NANP: variants seen among roughly 807,000 people sequenced by gnomAD.
NANP encodes N-acylneuraminate-9-phosphatase.
A neutral mutation model predicts 16.9 loss-of-function variants in NANP; 15 were observed. The ratio of observed to expected loss-of-function variants is 0.89; its 90% CI spans 0.59 to 1.37. The LOEUF (loss-of-function observed/expected upper bound fraction) is 1.37. Among genes scored for constraint, NANP ranks in the 40% most tolerant of loss-of-function variants. NANP has a pLI of 0.00. For missense variants in NANP, 290 were observed against 303.5 expected, an observed-to-expected ratio of 0.96 and a Z score of 0.33; for synonymous variants, 135 against 112.6, an observed-to-expected ratio of 1.20 and a Z score of -1.26.
intron 1 of NANP, among the ~76,000 whole-genome samples, chr20:25,619,728 C>A (rs771553486): frequency 1.1e-4 from 16 of 152,192 alleles, no homozygotes; most frequent in Non-Finnish European, 1.6e-4. Context: ...TCCAAAGTTT[C>A]AGCAACCCTA....
At chr20:25,619,782 C>T (rs772754389) in intron 1 of NANP, among the ~76,000 whole-genome samples, 3 of 152,172 alleles carry the variant, frequency 2.0e-5, no homozygotes, top group African/African-American at 7.2e-5. Flanking sequence ...ACAGAGCTTG[C>T]GCTTAGATAC....
chr20:25,618,446 A>G (rs1306606865), intron 1 of NANP, among the ~76,000 whole-genome samples: 2 of 152,176 alleles, frequency 1.3e-5, no homozygotes, highest in Non-Finnish European at 2.9e-5. Context: ...GTGAGGGAAG[A>G]TGCCAAGAGA....
chr20:25,623,793 G>T, intron 1 of NANP, 66 bp downstream of exon 1: 7 of 1,440,390 alleles, frequency 4.9e-6, no homozygotes, highest in Non-Finnish European at 5.7e-6. Flanking sequence ...AAGGGGAGGT[G>T]AGCGTGCAGG....
chr20:25,618,883 C>G (rs977070344), intron 1 of NANP, among the ~76,000 whole-genome samples: 7 of 152,094 alleles, frequency 4.6e-5, no homozygotes, highest in African/African-American at 1.7e-4. Context: ...GGGATCGCCT[C>G]AAGAACTGTC....
intron 1 of NANP, among the ~76,000 whole-genome samples, chr20:25,618,305 A>G (rs1487828618): frequency 6.6e-6 from 1 of 152,180 alleles, no homozygotes; most frequent in Non-Finnish European, 1.5e-5. Flanking sequence ...ACCAAGGAGT[A>G]AACAAGCAGA....
chr20:25,615,941 A>G lies in NANP; in HGVS notation c.731T>C (p.Val244Ala). The G allele has an allele frequency of 6.2e-7, 1 of 1,612,238 alleles. No homozygotes were observed. The highest frequency in any genetic ancestry group is 1.7e-5 in the Admixed American group (1 of 59,854). ...PALLQSIDCK[V>A]SMST ...TTATGTGCTTTAAGTGGACATACTG[A>G]CTTTGCAGTCTATACTTTGTAAGAG... The change falls in exon 2 of 2, where the codon GTC becomes GCC. Residue 244 changes from valine to alanine, a missense_variant. Coordinates refer to ENST00000304788, the MANE Select transcript of NANP (RefSeq NM_152667.3).
At chr20:25,622,016 A>C (rs558746573) in intron 1 of NANP, among the ~76,000 whole-genome samples, 1 of 152,386 alleles carries the variant, frequency 6.6e-6, no homozygotes, top group Admixed American at 6.5e-5. Context: ...GAAGCTCACT[A>C]TTTAGTAGTA....
intron 1 of NANP, among the ~76,000 whole-genome samples, chr20:25,623,243 A>T (rs961365338): frequency 1.3e-5 from 2 of 152,152 alleles, no homozygotes; most frequent in Non-Finnish European, 2.9e-5. Flanking sequence ...GCGCCTCAGG[A>T]AGGGCATGCC....
chr20:25,618,143 G>A (rs768397630), intron 1 of NANP, among the ~76,000 whole-genome samples: 53 of 143,148 alleles, frequency 3.7e-4, no homozygotes, highest in African/African-American at 1.2e-3. Context: ...GGCCTTTGTC[G>A]TTGAGGCATT....
chr20:25,623,189 C>A (rs535379556), intron 1 of NANP, among the ~76,000 whole-genome samples: 1 of 152,104 alleles, frequency 6.6e-6, no homozygotes, highest in East Asian at 1.9e-4. Context: ...ACGGGAAGGT[C>A]TGAAAGCGCC....
rs148888747 is a variant in NANP, at chr20:25,615,007, G to A, written c.*918C>T. 1.8e-4 allele frequency: 27 copies of A among 152,220 alleles called. No homozygotes were observed. The highest frequency in any genetic ancestry group is 3.5e-4 in the Non-Finnish European group (24 of 68,034). The allele number at this position is 152,220 out of a possible 1,614,324, so 9.4% of individuals were successfully genotyped here. Reference sequence around the variant, plus strand: ...CAAAAAAAAAAAGGAACAGATTGGGGGCTGCATTGTTAGGCTACACTGAGG... The same window carrying A: ...CAAAAAAAAAAAGGAACAGATTGGGAGCTGCATTGTTAGGCTACACTGAGG... On this transcript the variant is annotated 3_prime_UTR_variant, in exon 2 of 2. Transcript: ENST00000304788.
rs1020081255 is a variant in NANP, at chr20:25,613,934, A to G, written c.*1991T>C. 2 of 398,018 alleles carry G rather than the reference A, an allele frequency of 5.0e-6. No homozygotes were observed. The highest frequency in any genetic ancestry group is 4.1e-5 in the African/African-American group (2 of 48,608). 24.7% of individuals were successfully genotyped at this position (398,018 alleles called of 1,614,324 possible). On this transcript the variant is annotated 3_prime_UTR_variant, in exon 2 of 2. Transcript: ENST00000304788. ...AGCCCCCTGCAGCACACGCCAACCA[A>G]TCTATCAGAGCAATCATGCATGTGA...
chr20:25,623,845 G>A lies in NANP; in HGVS notation c.90+14C>T, dbSNP rs2065378904. 1 of 1,611,228 alleles carries A rather than the reference G, an allele frequency of 6.2e-7. No homozygotes were observed. The highest frequency in any genetic ancestry group is 8.5e-7 in the Non-Finnish European group (1 of 1,178,716). On this transcript the variant is annotated intron_variant, in intron 1 of 1. Coordinates refer to ENST00000304788, the MANE Select transcript of NANP (RefSeq NM_152667.3). ...TGACCCCGCCCAGAGGAGCGCCATGGGTGGGGACGTTACCTCCAACATGCC... is the reference window on the plus strand; with the variant it reads ...TGACCCCGCCCAGAGGAGCGCCATGAGTGGGGACGTTACCTCCAACATGCC...
chr20:25,622,211 G>A lies in NANP; in HGVS notation c.90+1648C>T, dbSNP rs1350608867. Among the ~76,000 whole-genome samples the A allele has an allele frequency of 2.0e-5, 3 of 152,216 alleles. No individual in the cohort carries two copies. The East Asian group carries it at 5.8e-4, about 29-fold the overall frequency. ...ACACACTGGATGTGGTAAACCTGGA[G>A]ACAAGCCCACAGCAACAGTCTAGGT... On this transcript the variant is annotated intron_variant, in intron 1 of 1. Coordinates refer to ENST00000304788, the MANE Select transcript of NANP (RefSeq NM_152667.3).
chr20:25,623,940 C>T lies in NANP; in HGVS notation c.9G>A (p.Leu3=), dbSNP rs535322307. 1 of 1,612,924 alleles carries T rather than the reference C, an allele frequency of 6.2e-7. No individual in the cohort carries two copies. Among genetic ancestry groups the T allele is most frequent in the South Asian group, 1.1e-5 (1 of 91,060 alleles). The change falls in exon 1 of 2, where the codon CTG becomes CTA. Residue 3 remains leucine (L), a synonymous_variant. Transcript: ENST00000304788. ...CAAAGAAAACCGCCCGCACGCGGCT[C>T]AGCCCCATAGCGCCGGCCGCTGGCG... MG[L]SRVRAVFFDL... is the part of the protein sequence containing the mutation.
chr20:25,620,686 G>T (rs538688983), intron 1 of NANP, among the ~76,000 whole-genome samples: 3 of 152,296 alleles, frequency 2.0e-5, no homozygotes, highest in Admixed American at 2.0e-4. Context: ...GGTCTATGAG[G>T]AATGTGTATT....
intron 1 of NANP, among the ~76,000 whole-genome samples, chr20:25,620,244 G>A (rs2065359150): frequency 6.6e-6 from 1 of 152,180 alleles, no homozygotes; most frequent in Non-Finnish European, 1.5e-5. Context: ...TAACTTGGAG[G>A]CGTGATGATA....
chr20:25,616,164 A>C lies in NANP; in HGVS notation c.508T>G (p.Phe170Val). Reference protein sequence around the residue: ...QREEKPAPSIFYYCCNLLGVQ... With the variant: ...QREEKPAPSIVYYCCNLLGVQ... ...CCGAGAAGATTGCAGCAGTAATAAA[A>C]TATGGACGGTGCTGGTTTCTCCTCT... The change falls in exon 2 of 2, where the codon TTT (phenylalanine) becomes GTT (valine). Residue 170 changes from phenylalanine to valine, a missense_variant. By Grantham distance (50) the Phe-to-Val change is conservative. Transcript: ENST00000304788. 6.2e-7 allele frequency: 1 copy of C among 1,614,182 alleles called. No individual in the cohort carries two copies. Among genetic ancestry groups the C allele is most frequent in the Non-Finnish European group, 8.5e-7 (1 of 1,180,044 alleles).
chr20:25,613,097 C>G lies in NANP; in HGVS notation c.*2828G>C, dbSNP rs960665075. On this transcript the variant is annotated 3_prime_UTR_variant, in exon 2 of 2. Transcript: ENST00000304788. ...TAAACATATAAAACTGGATCCCATA[C>G]ACATATTAATGTTATACTATAAAAT... The G allele has an allele frequency of 2.0e-5, 3 of 151,814 alleles. No individual in the cohort carries two copies. Among genetic ancestry groups the G allele is most frequent in the Non-Finnish European group, 4.4e-5 (3 of 67,988 alleles). 9.4% of individuals were successfully genotyped at this position (151,814 alleles called of 1,614,324 possible).
Sources: allele counts gnomAD v4.1 joint callset (sites outside exome capture counted in the v4.1 genomes callset), GRCh38; gene constraint gnomAD v4.1.1; transcripts MANE v1.5; gene names NCBI Gene and HGNC (gene_info 2026-07-23, HGNC 2026-07-21).